The following PAX5 variants were observed in gnomAD, a reference collection of about 807,000 sequenced individuals.
The protein encoded by PAX5 is paired box protein Pax-5.
A neutral mutation model predicts 43.7 loss-of-function variants in PAX5; 9 were observed. The observed-to-expected ratio is 0.21, with a 90% CI of 0.12 to 0.36. The LOEUF (loss-of-function observed/expected upper bound fraction) is 0.36, where lower values mean the gene tolerates loss of function less well. PAX5 is among the 10% of genes least tolerant of loss of function. The pLI is 1.00. For synonymous variants in PAX5, 228 were observed against 214.3 expected, an observed-to-expected ratio of 1.06 and a Z score of -0.56; for missense variants, 383 against 532.7, an observed-to-expected ratio of 0.72 and a Z score of 2.77.
chr9:36,913,293 C>T (rs78328491), intron 7 of PAX5, among the ~76,000 whole-genome samples: 2,106 of 152,358 alleles, frequency 0.014, 19 homozygotes, highest in Non-Finnish European at 0.021. Flanking sequence ...CACAGGAGGC[C>T]TCTCTCTGTC....
chr9:37,017,469 T>C (rs1008898082), intron 2 of PAX5, among the ~76,000 whole-genome samples: 7 of 152,210 alleles, frequency 4.6e-5, no homozygotes, highest in African/African-American at 1.7e-4. Flanking sequence ...CAGAGAACTT[T>C]ACTATTTACC....
intron 6 of PAX5, among the ~76,000 whole-genome samples, chr9:36,960,543 A>G (rs1833876003): frequency 6.6e-6 from 1 of 152,134 alleles, no homozygotes; most frequent in Admixed American, 6.5e-5. Context: ...CTCTTATAGG[A>G]GGTAGGCTTC....
At position 36,838,217 on chromosome 9, in the gene PAX5, AGCTCGCTGG is replaced by A. The variant is rs1821779619; in HGVS notation, c.*2334_*2342del. The A allele has an allele frequency of 4.3e-6, 1 of 233,064 alleles. No individual in the cohort carries two copies. Among genetic ancestry groups the A allele is most frequent in the African/African-American group, 2.2e-5 (1 of 45,286 alleles). The allele number at this position is 233,064 out of a possible 1,614,324, so 14.4% of individuals were successfully genotyped here. On this transcript the variant is annotated 3_prime_UTR_variant, in exon 10 of 10. Coordinates refer to ENST00000358127, the MANE Select transcript of PAX5 (RefSeq NM_016734.3). ...GGCGGGGGTGCATGTGCCTGCTGTG[AGCTCGCTGG>A]GCTCCATCCCTGGCCTGGGTGACCA...
chr9:36,897,348 G>A (rs1443535492), intron 7 of PAX5, among the ~76,000 whole-genome samples: 3 of 152,134 alleles, frequency 2.0e-5, no homozygotes, highest in Admixed American at 6.5e-5. Context: ...CAGTTTGGGG[G>A]AGGGGTCGAT....
At chr9:36,989,522 G>T (rs900240238) in intron 5 of PAX5, among the ~76,000 whole-genome samples, 2 of 152,186 alleles carry the variant, frequency 1.3e-5, no homozygotes, top group African/African-American at 4.8e-5. Context: ...AATGTTAGCC[G>T]TTATAGTTAT....
intron 8 of PAX5, among the ~76,000 whole-genome samples, chr9:36,852,245 CT>C (rs1023251582): frequency 6.6e-6 from 1 of 152,330 alleles, no homozygotes; most frequent in African/African-American, 2.4e-5. Flanking sequence ...CCCCTTCACC[CT>C]TTGATCCTGG....
chr9:37,022,613 G>A (rs1321708293), intron 1 of PAX5, among the ~76,000 whole-genome samples: 1 of 152,166 alleles, frequency 6.6e-6, no homozygotes, highest in African/African-American at 2.4e-5. Context: ...ACTGACAATT[G>A]AGACTTTCTG....
intron 5 of PAX5, among the ~76,000 whole-genome samples, chr9:36,993,948 G>A (rs1254041619): frequency 6.6e-6 from 1 of 152,206 alleles, no homozygotes; most frequent in Admixed American, 6.5e-5. Context: ...GTAAGAGGAG[G>A]GGGAGGGGCT....
At chr9:36,934,119 G>T (rs1413243677) in intron 6 of PAX5, among the ~76,000 whole-genome samples, 3 of 152,208 alleles carry the variant, frequency 2.0e-5, no homozygotes, top group Non-Finnish European at 2.9e-5. Context: ...AATTCCACCG[G>T]GTCTGGGGCC....
intron 8 of PAX5, among the ~76,000 whole-genome samples, chr9:36,878,362 GC>G (rs1355703777): frequency 6.6e-6 from 1 of 152,270 alleles, no homozygotes; most frequent in East Asian, 1.9e-4. Flanking sequence ...GATGGACGTG[GC>G]GTAGGGGGCT....
intron 5 of PAX5, among the ~76,000 whole-genome samples, chr9:36,981,195 C>CG (rs1028859370): frequency 6.9e-5 from 10 of 145,296 alleles, no homozygotes; most frequent in Non-Finnish European, 1.3e-4. Flanking sequence ...GCCCCCCCCC[C>CG]CTCAGCCCTG....
chr9:37,027,870 G>A (rs1840581712), intron 1 of PAX5, among the ~76,000 whole-genome samples: 1 of 152,254 alleles, frequency 6.6e-6, no homozygotes. Context: ...GGACACCTGG[G>A]CAATGGGAGA....
At chr9:36,897,736 T>G (rs1453823292) in intron 7 of PAX5, among the ~76,000 whole-genome samples, 1 of 152,180 alleles carries the variant, frequency 6.6e-6, no homozygotes, top group African/African-American at 2.4e-5. Flanking sequence ...ACAGAACACC[T>G]CTCAAGCTCA....
At chr9:36,930,276 T>C (rs1831023618) in intron 6 of PAX5, among the ~76,000 whole-genome samples, 1 of 135,650 alleles carries the variant, frequency 7.4e-6, no homozygotes, top group Non-Finnish European at 1.5e-5. Flanking sequence ...CAGGCTGGAG[T>C]GCAGTGTCAC....
chr9:36,852,067 A>G (rs1823214049), intron 8 of PAX5, among the ~76,000 whole-genome samples: 1 of 152,224 alleles, frequency 6.6e-6, no homozygotes, highest in African/African-American at 2.4e-5. Context: ...GGAGGGAAGG[A>G]AAATCCCTAC....
chr9:36,887,014 G>A lies in PAX5; in HGVS notation c.911-4909C>T, dbSNP rs563354012. ...ATCCTGAGAGGAAGGGGAAGAACAG[G>A]GATCTGCCCCTGTTGTATACATGAG... On this transcript the variant is annotated intron_variant, in intron 7 of 9. Coordinates refer to ENST00000358127, the MANE Select transcript of PAX5 (RefSeq NM_016734.3). Among the ~76,000 whole-genome samples the A allele has an allele frequency of 1.8e-4, 27 of 152,274 alleles. No individual in the cohort carries two copies. The East Asian group carries it at 4.8e-3, about 27-fold the overall frequency.
At position 36,927,254 on chromosome 9, in the gene PAX5, A is replaced by G. The variant is rs981040013; in HGVS notation, c.781-3770T>C. 2.6e-5 allele frequency among the ~76,000 whole-genome samples: 4 copies of G among 152,118 alleles called. No individual in the cohort carries two copies. The South Asian group carries it at 6.2e-4, about 24-fold the overall frequency. ...CCCAGCCCACCCTGGGGCCTGGCAC[A>G]TTCCTAGACCTCAGCCTCTTCTCTC... On this transcript the variant is annotated intron_variant, in intron 6 of 9. Coordinates refer to ENST00000358127, the MANE Select transcript of PAX5 (RefSeq NM_016734.3).
chr9:36,914,837 C>T (rs1829602475), intron 7 of PAX5, among the ~76,000 whole-genome samples: 1 of 152,200 alleles, frequency 6.6e-6, no homozygotes, highest in African/African-American at 2.4e-5. Flanking sequence ...TGTGTGTGTG[C>T]ACACGCACAT....
At chr9:37,002,485 C>A (rs902841566) in intron 5 of PAX5, among the ~76,000 whole-genome samples, 163 bp downstream of exon 5, 2 of 152,242 alleles carry the variant, frequency 1.3e-5, no homozygotes, top group African/African-American at 2.4e-5. Flanking sequence ...GAGGGCTCAG[C>A]CCTTTCCCGT....
Sources: allele counts gnomAD v4.1 joint callset (sites outside exome capture counted in the v4.1 genomes callset), GRCh38; gene constraint gnomAD v4.1.1; transcripts MANE v1.5; gene names NCBI Gene and HGNC (gene_info 2026-07-23, HGNC 2026-07-21).